SKIL: variants seen among roughly 807,000 people sequenced by gnomAD.
The protein encoded by SKIL is ski-like protein.
A neutral mutation model predicts 69.6 loss-of-function variants in SKIL; 20 were observed. That is an observed-to-expected ratio of 0.29 (90% CI 0.20 to 0.42). The LOEUF is 0.42. SKIL is among the 10% of genes least tolerant of loss of function. SKIL has a pLI of 1.00. For synonymous variants in SKIL, 310 were observed against 279.9 expected (o/e 1.11, Z -1.08); for missense variants, 745 against 783.1 (o/e 0.95, Z 0.58).
intron 2 of SKIL, among the ~76,000 whole-genome samples, chr3:170,367,612 G>A (rs753808972): frequency 7.9e-5 from 12 of 151,850 alleles, no homozygotes; most frequent in Non-Finnish European, 1.5e-4. Context: ...GATTACAGGT[G>A]CCTGCCACCA....
At chr3:170,367,076 T>C (rs1275221912) in intron 2 of SKIL, among the ~76,000 whole-genome samples, 3 of 152,204 alleles carry the variant, frequency 2.0e-5, no homozygotes, top group Non-Finnish European at 4.4e-5. Flanking sequence ...GAAGTGGTCA[T>C]TTGTTGTAGG....
chr3:170,377,356 C>T (rs1737081240), intron 2 of SKIL, among the ~76,000 whole-genome samples: 1 of 149,780 alleles, frequency 6.7e-6, no homozygotes, highest in African/African-American at 2.5e-5. Context: ...TCCTGTCCTC[C>T]TAAAGTGCTG....
chr3:170,391,349 G>A, intron 6 of SKIL, 89 bp downstream of exon 6: 1 of 735,788 alleles, frequency 1.4e-6, no homozygotes, highest in Non-Finnish European at 2.2e-6. Flanking sequence ...GACAGAGACT[G>A]CTCTGTCGCC....
chr3:170,387,858 C>T (rs1234128695), intron 4 of SKIL, among the ~76,000 whole-genome samples: 4 of 119,144 alleles, frequency 3.4e-5, no homozygotes, highest in Non-Finnish European at 6.5e-5. Flanking sequence ...GGCGTGAACC[C>T]GGGAGGCGGA....
At chr3:170,389,593 C>T (rs1050149454) in intron 4 of SKIL, among the ~76,000 whole-genome samples, 1 of 152,106 alleles carries the variant, frequency 6.6e-6, no homozygotes, top group African/African-American at 2.4e-5. Context: ...GGATTACAGG[C>T]GTGAGCCACC....
Position 170,360,950 on chromosome 3 carries a change from G to A in SKIL, c.619G>A (p.Val207Ile). 1.2e-6 allele frequency: 2 copies of A among 1,614,134 alleles called. No homozygotes were observed. Among genetic ancestry groups the A allele is most frequent in the Middle Eastern group, 3.3e-4 (2 of 6,062 alleles). ...CTSDQLHILK[V>I]LGILPFNAPS... ...TTCAGACCAGCTTCATATCTTAAAG[G>A]TACTGGGCATACTTCCATTCAATGC... is the stretch of plus-strand genomic sequence containing the variant. Residue 207 changes from valine to isoleucine, a missense_variant, in exon 2 of 7, where the codon GTA (valine) becomes ATA (isoleucine). Coordinates refer to ENST00000259119, the MANE Select transcript of SKIL (RefSeq NM_005414.5).
At chr3:170,379,249 A>G (rs1338313742) in intron 2 of SKIL, among the ~76,000 whole-genome samples, 1 of 152,136 alleles carries the variant, frequency 6.6e-6, no homozygotes, top group Admixed American at 6.5e-5. Context: ...AAATGCTAGG[A>G]TTACAGGCAT....
intron 3 of SKIL, among the ~76,000 whole-genome samples, chr3:170,384,036 CCA>C (rs1737491797): frequency 8.1e-6 from 1 of 123,538 alleles, no homozygotes; most frequent in African/African-American, 3.6e-5. Flanking sequence ...AAATTACTTG[CCA>C]AAAAAAAAAA....
At position 170,391,367 on chromosome 3, in the gene SKIL, G is replaced by A. The variant is rs1024575930; in HGVS notation, c.1896+107G>A. On this transcript the variant is annotated intron_variant, in intron 6 of 6. Coordinates refer to ENST00000259119, the MANE Select transcript of SKIL (RefSeq NM_005414.5). ...AGAGACTGCTCTGTCGCCCAGGCTG[G>A]AGTGCAGTGGCACAATCTCAGCTCC... The A allele has an allele frequency of 7.9e-5, 52 of 655,298 alleles. 1 individual carries two copies. The South Asian group carries it at 1.0e-3, about 13-fold the overall frequency. The allele number at this position is 655,298 out of a possible 1,614,324, so 40.6% of individuals were successfully genotyped here. A position where few individuals can be genotyped will look rare whatever the true frequency, so the allele number is the denominator to read the frequency against.
chr3:170,364,232 C>T (rs190774056), intron 2 of SKIL, among the ~76,000 whole-genome samples: 4 of 149,616 alleles, frequency 2.7e-5, no homozygotes, highest in Admixed American at 1.3e-4. Context: ...GGATTACAGG[C>T]GTGAGCCACC....
chr3:170,380,689 A>G (rs984108515), intron 2 of SKIL, among the ~76,000 whole-genome samples: 1 of 152,134 alleles, frequency 6.6e-6, no homozygotes, highest in Non-Finnish European at 1.5e-5. Flanking sequence ...CGTAAGTATG[A>G]AATTTGATGC....
intron 2 of SKIL, among the ~76,000 whole-genome samples, chr3:170,367,985 A>C (rs1251524993): frequency 6.6e-6 from 1 of 152,138 alleles, no homozygotes; most frequent in African/African-American, 2.4e-5. Context: ...ATTTCTGTAG[A>C]GATCATTGGA....
Position 170,393,984 on chromosome 3 carries a change from A to G in SKIL, c.*1567A>G, listed in dbSNP as rs1474044213. 6.6e-6 allele frequency: 1 copy of G among 152,152 alleles called. No individual in the cohort carries two copies. Among genetic ancestry groups the G allele is most frequent in the East Asian group, 1.9e-4 (1 of 5,204 alleles). 9.4% of individuals were successfully genotyped at this position (152,152 alleles called of 1,614,324 possible). On this transcript the variant is annotated 3_prime_UTR_variant, in exon 7 of 7. Coordinates refer to ENST00000259119, the MANE Select transcript of SKIL (RefSeq NM_005414.5). ...CTTCCCCAAATGTAATTTATTTACT[A>G]AATTGAGTATAACCTAAATGTGTGT...
intron 2 of SKIL, among the ~76,000 whole-genome samples, chr3:170,365,515 C>A (rs1295358892): frequency 6.6e-6 from 1 of 152,090 alleles, no homozygotes; most frequent in Non-Finnish European, 1.5e-5. Flanking sequence ...CTGAAAAAAT[C>A]AGAAATTCAA....
At chr3:170,364,020 G>A (rs1459510442) in intron 2 of SKIL, among the ~76,000 whole-genome samples, 1 of 151,964 alleles carries the variant, frequency 6.6e-6, no homozygotes, top group African/African-American at 2.4e-5. Flanking sequence ...GCACGATCTC[G>A]GCTCACTGCA....
Position 170,360,640 on chromosome 3 carries a change from A to G in SKIL, c.309A>G (p.Gly103=), listed in dbSNP as rs1736178513. ...TAAGTAGTCAGAGCTCGCTGGGTGGACCAGCAGCATTTTCTGCTCGGCATT... is the reference window on the plus strand; with the variant it reads ...TAAGTAGTCAGAGCTCGCTGGGTGGGCCAGCAGCATTTTCTGCTCGGCATT... ...FHLSSQSSLG[G]PAAFSARHSQ... The change falls in exon 2 of 7, where the codon GGA becomes GGG. Residue 103 remains glycine, a synonymous_variant. Transcript: ENST00000259119. 2 of 1,614,168 alleles carry G rather than the reference A, an allele frequency of 1.2e-6. No individual in the cohort carries two copies. Among genetic ancestry groups the G allele is most frequent in the South Asian group, 1.1e-5 (1 of 91,086 alleles).
At chr3:170,387,759 T>TAAAAAAAAAAAAAAAAAA (rs748924498) in intron 4 of SKIL, among the ~76,000 whole-genome samples, 1 of 57,696 alleles carries the variant, frequency 1.7e-5, no homozygotes, top group Non-Finnish European at 4.0e-5. Context: ...CCGTCTCTAC[T>TAAAAAAAAAAAAAAAAAA]AAAAAAAAAA....
intron 2 of SKIL, among the ~76,000 whole-genome samples, chr3:170,366,245 C>T (rs1432943000): frequency 6.6e-6 from 1 of 151,764 alleles, no homozygotes; most frequent in African/African-American, 2.4e-5. Context: ...AATTATTTTA[C>T]AATTATAAAA....
chr3:170,375,623 C>T (rs1349454346), intron 2 of SKIL, among the ~76,000 whole-genome samples: 2 of 152,110 alleles, frequency 1.3e-5, no homozygotes, highest in Admixed American at 1.3e-4. Context: ...GCCTAGGCTG[C>T]AGTGCAGTGG....
Sources: allele counts gnomAD v4.1 joint callset (sites outside exome capture counted in the v4.1 genomes callset), GRCh38; gene constraint gnomAD v4.1.1; transcripts MANE v1.5; gene names NCBI Gene and HGNC (gene_info 2026-07-23, HGNC 2026-07-21).